CSRNP3: variants seen among roughly 807,000 people sequenced by gnomAD.
The protein encoded by CSRNP3 is cysteine/serine-rich nuclear protein 3.
A neutral mutation model predicts 48.0 loss-of-function variants in CSRNP3; 12 were observed. The ratio of observed to expected loss-of-function variants is 0.25; its 90% CI spans 0.16 to 0.41. The LOEUF is 0.41. Ranked by LOEUF, CSRNP3 falls within the 10% of genes least tolerant of loss-of-function variation. CSRNP3 has a pLI of 1.00. For synonymous variants in CSRNP3, 263 were observed against 269.7 expected, an observed-to-expected ratio of 0.98 and a Z score of 0.24; for missense variants, 580 against 724.4, an observed-to-expected ratio of 0.80 and a Z score of 2.29.
chr2:165,518,933 C>G (rs912060416), intron 3 of CSRNP3, among the ~76,000 whole-genome samples: 14 of 152,104 alleles, frequency 9.2e-5, no homozygotes, highest in Non-Finnish European at 1.8e-4. Flanking sequence ...ATTAATTTTA[C>G]TATTAACTCA....
intron 3 of CSRNP3, among the ~76,000 whole-genome samples, chr2:165,579,068 G>A (rs1355296294): frequency 1.3e-5 from 2 of 152,120 alleles, no homozygotes; most frequent in Non-Finnish European, 2.9e-5. Context: ...ACATTTTTCA[G>A]CCCACACAAG....
chr2:165,561,850 G>A (rs1350021517), intron 3 of CSRNP3, among the ~76,000 whole-genome samples: 4 of 151,738 alleles, frequency 2.6e-5, no homozygotes, highest in African/African-American at 4.8e-5. Context: ...GATGGGCAGG[G>A]GATTCTCATT....
chr2:165,584,105 A>T (rs980459940), intron 3 of CSRNP3, among the ~76,000 whole-genome samples: 2 of 152,204 alleles, frequency 1.3e-5, no homozygotes, highest in Non-Finnish European at 2.9e-5. Context: ...CTTAATTACT[A>T]TGTTTTTCAT....
intron 3 of CSRNP3, among the ~76,000 whole-genome samples, chr2:165,544,418 A>G (rs1017610681): frequency 9.9e-5 from 15 of 152,070 alleles, no homozygotes; most frequent in African/African-American, 3.1e-4. Flanking sequence ...ACTAATTATT[A>G]CTCTGATTAA....
At chr2:165,609,465 G>GAAAAAAAAAAAAAAAAAAAAAA (rs34249194) in intron 4 of CSRNP3, among the ~76,000 whole-genome samples, 2 of 97,572 alleles carry the variant, frequency 2.0e-5, no homozygotes, top group Non-Finnish European at 3.8e-5. Context: ...TCTAAAAAAA[G>GAAAAAAAAAAAAAAAAAAAAAA]AAAAAAAAAA....
chr2:165,565,702 T>C (rs1685288417), intron 3 of CSRNP3, among the ~76,000 whole-genome samples: 1 of 151,988 alleles, frequency 6.6e-6, no homozygotes. Context: ...TAGCAAGCCA[T>C]GGAATTAAGC....
intron 4 of CSRNP3, among the ~76,000 whole-genome samples, chr2:165,655,198 G>A (rs1686982468): frequency 6.6e-6 from 1 of 152,148 alleles, no homozygotes; most frequent in Admixed American, 6.5e-5. Context: ...GAAACCAGCA[G>A]CAGTTGACAT....
intron 1 of CSRNP3, among the ~76,000 whole-genome samples, chr2:165,481,648 A>T (rs1558912336): frequency 6.6e-6 from 1 of 152,272 alleles, no homozygotes; most frequent in East Asian, 1.9e-4. Context: ...TGGCTAGATT[A>T]CACACCCAGA....
intron 1 of CSRNP3, among the ~76,000 whole-genome samples, chr2:165,490,850 A>T (rs1349996412): frequency 7.6e-6 from 1 of 132,258 alleles, no homozygotes; most frequent in African/African-American, 2.8e-5. Flanking sequence ...AAAACCCTAG[A>T]AGAAAACCTA....
At chr2:165,562,838 G>A (rs1685251603) in intron 3 of CSRNP3, among the ~76,000 whole-genome samples, 1 of 152,062 alleles carries the variant, frequency 6.6e-6, no homozygotes, top group Non-Finnish European at 1.5e-5. Flanking sequence ...ATTTATAGTA[G>A]AGTAATAAAG....
chr2:165,636,473 T>A (rs752783224), intron 4 of CSRNP3, among the ~76,000 whole-genome samples: 14 of 152,214 alleles, frequency 9.2e-5, no homozygotes, highest in Non-Finnish European at 1.6e-4. Context: ...ATTTTCCCAG[T>A]AATATTGATA....
intron 3 of CSRNP3, among the ~76,000 whole-genome samples, chr2:165,552,010 C>T (rs982257513): frequency 1.3e-5 from 2 of 152,200 alleles, no homozygotes; most frequent in African/African-American, 4.8e-5. Context: ...ATCATCAAGA[C>T]AGCTATATTC....
chr2:165,565,990 A>G (rs536109640), intron 3 of CSRNP3, among the ~76,000 whole-genome samples: 1 of 152,090 alleles, frequency 6.6e-6, no homozygotes, highest in African/African-American at 2.4e-5. Context: ...TTTAAAAGTT[A>G]ACTGTGACAG....
chr2:165,539,721 A>G (rs1442623977), intron 3 of CSRNP3, among the ~76,000 whole-genome samples: 2 of 152,102 alleles, frequency 1.3e-5, no homozygotes, highest in African/African-American at 2.4e-5. Context: ...GCTGCCTGCT[A>G]GAGATACAGT....
chr2:165,608,018 GA>G (rs982343668), intron 4 of CSRNP3, among the ~76,000 whole-genome samples: 1 of 150,552 alleles, frequency 6.6e-6, no homozygotes, highest in African/African-American at 2.4e-5. Flanking sequence ...TGTTATATTT[GA>G]TGACATCTTT....
chr2:165,492,318 C>G (rs1684223605), intron 1 of CSRNP3, among the ~76,000 whole-genome samples: 1 of 152,146 alleles, frequency 6.6e-6, no homozygotes, highest in African/African-American at 2.4e-5. Flanking sequence ...GTTTTAAGTA[C>G]CTGTAGTGGC....
intron 2 of CSRNP3, among the ~76,000 whole-genome samples, chr2:165,502,297 G>A (rs1224800717): frequency 2.0e-5 from 3 of 151,684 alleles, no homozygotes; most frequent in African/African-American, 7.3e-5. Flanking sequence ...TCTTAAATAC[G>A]TGGTATAATA....
At chr2:165,672,117 T>C (rs1203108981) in intron 5 of CSRNP3, among the ~76,000 whole-genome samples, 1 of 152,172 alleles carries the variant, frequency 6.6e-6, no homozygotes, top group Non-Finnish European at 1.5e-5. Flanking sequence ...CCTCTACATC[T>C]CTAGGAAGTT....
intron 3 of CSRNP3, among the ~76,000 whole-genome samples, chr2:165,581,602 T>A (rs1685548344): frequency 7.0e-6 from 1 of 141,994 alleles, no homozygotes; most frequent in Admixed American, 7.3e-5. Flanking sequence ...AGTGGCGCTA[T>A]CTCAGCTCAC....
Sources: gnomAD v4.1 joint callset for allele counts (sites outside exome capture counted in the v4.1 genomes callset) on GRCh38, gnomAD v4.1.1 for gene constraint, MANE v1.5 for transcripts, NCBI Gene and HGNC (gene_info 2026-07-23, HGNC 2026-07-21) for gene names.